TSC22D3: variants seen among roughly 807,000 people sequenced by gnomAD.
The protein encoded by TSC22D3 is TSC22 domain family member 3.
In TSC22D3, 4 loss-of-function variants were observed where a neutral mutation model predicts 11.1. The ratio of observed to expected loss-of-function variants is 0.36; its 90% CI spans 0.18 to 0.83. TSC22D3 has a LOEUF of 0.83. TSC22D3 is among the 40% of genes least tolerant of loss of function. The pLI is 0.48. For synonymous variants in TSC22D3, 77 were observed against 70.3 expected (o/e 1.10, Z -0.48); for missense variants, 118 against 159.4 (o/e 0.74, Z 1.40).
At chrX:107,727,840 TCTC>T (rs1294855341) in intron 1 of TSC22D3, among the ~76,000 whole-genome samples, 1 of 112,640 alleles carries the variant, frequency 8.9e-6, no homozygotes, top group Non-Finnish European at 1.9e-5. Context: ...TTTAAATTAT[TCTC>T]CTGAAGGTCC....
chrX:107,746,349 G>A (rs1928653122), intron 1 of TSC22D3, among the ~76,000 whole-genome samples: 2 of 111,530 alleles, frequency 1.8e-5, no homozygotes, highest in African/African-American at 6.5e-5. Context: ...TCCCAGGCAG[G>A]CCCAAGATTG....
rs745502009 is a variant in TSC22D3, at chrX:107,755,124, T to A, written c.320+19976A>T. On this transcript the variant is annotated intron_variant, in intron 1 of 2. Transcript: ENST00000372383. Reference sequence around the variant, plus strand: ...AAGATGGAGAAATGAAAGTTCAAACTTTTTTCTTTAAAAAAATGGATTTAG... The same window carrying A: ...AAGATGGAGAAATGAAAGTTCAAACATTTTTCTTTAAAAAAATGGATTTAG... Among the ~76,000 whole-genome samples, 97 of 112,224 alleles carry A rather than the reference T, an allele frequency of 8.6e-4. No individual in the cohort carries two copies. The South Asian group carries it at 0.028, about 33-fold the overall frequency.
At chrX:107,719,268 G>A in intron 1 of TSC22D3, among the ~76,000 whole-genome samples, 1 of 112,172 alleles carries the variant, frequency 8.9e-6, no homozygotes, top group Middle Eastern at 4.6e-3. Flanking sequence ...GGGAAGGGAA[G>A]GCAAAAGGGT....
intron 1 of TSC22D3, among the ~76,000 whole-genome samples, chrX:107,724,459 A>G (rs2147730650): frequency 8.8e-6 from 1 of 113,303 alleles, no homozygotes; most frequent in South Asian, 3.6e-4. Context: ...ATTTGTGCAA[A>G]CACCCTCTCC....
chrX:107,754,004 C>G (rs1237037994), intron 1 of TSC22D3, among the ~76,000 whole-genome samples: 1 of 109,911 alleles, frequency 9.1e-6, no homozygotes, highest in Non-Finnish European at 1.9e-5. Context: ...CAACCTCCGC[C>G]TCCCAGGTTC....
At chrX:107,716,551 C>T (rs1199622362) in intron 1 of TSC22D3, 4 of 767,406 alleles carry the variant, frequency 5.2e-6, no homozygotes, top group Non-Finnish European at 4.7e-6. Context: ...TGCGTCCCCT[C>T]CCCCCCGCCC....
At chrX:107,764,190 A>G (rs1485872460) in intron 1 of TSC22D3, among the ~76,000 whole-genome samples, 1 of 112,302 alleles carries the variant, frequency 8.9e-6, no homozygotes, top group African/African-American at 3.2e-5. Context: ...TAGCATGACT[A>G]TCTGGTTAAT....
At chrX:107,773,244 C>T (rs1239006287) in intron 1 of TSC22D3, among the ~76,000 whole-genome samples, 1 of 112,596 alleles carries the variant, frequency 8.9e-6, no homozygotes, top group African/African-American at 3.2e-5. Flanking sequence ...GAAGGAAACA[C>T]TTTGATCTCA....
chrX:107,714,559 G>T lies in TSC22D3; in HGVS notation c.563C>A (p.Ser188Tyr), dbSNP rs1270331051. 8.3e-7 allele frequency: 1 copy of T among 1,210,004 alleles called. No homozygotes were observed. Among genetic ancestry groups the T allele is most frequent in the Non-Finnish European group, 1.1e-6 (1 of 895,196 alleles). ...ACCAGGGGCCTCGGGCACTTGTGGGGATTCGGGAGCTGGCTCTTCAGGGCT... is the reference window on the plus strand; with the variant it reads ...ACCAGGGGCCTCGGGCACTTGTGGGTATTCGGGAGCTGGCTCTTCAGGGCT... The part of the protein sequence containing the change: ...CLSPEEPAPE[S>Y]PQVPEAPGGS... Residue 188 changes from serine (S) to tyrosine (Y), a missense_variant, in exon 3 of 3, where the codon TCC becomes TAC. Coordinates refer to ENST00000372383, the MANE Select transcript of TSC22D3 (RefSeq NM_198057.3).
chrX:107,728,902 G>A (rs1022954496), intron 1 of TSC22D3, among the ~76,000 whole-genome samples: 1 of 111,437 alleles, frequency 9.0e-6, no homozygotes, highest in African/African-American at 3.3e-5. Context: ...AGACTGGTGG[G>A]GTGCTGCCTA....
At chrX:107,747,677 C>T (rs1248464466) in intron 1 of TSC22D3, among the ~76,000 whole-genome samples, 1 of 113,177 alleles carries the variant, frequency 8.8e-6, no homozygotes, top group African/African-American at 3.2e-5. Flanking sequence ...CTGTCCCAGA[C>T]ACTCGGCTGT....
At chrX:107,720,495 C>T (rs1927270909) in intron 1 of TSC22D3, among the ~76,000 whole-genome samples, 1 of 111,720 alleles carries the variant, frequency 9.0e-6, no homozygotes, top group Non-Finnish European at 1.9e-5. Context: ...AGTTCGAGAC[C>T]AGCCTGGCCA....
At chrX:107,728,099 C>T (rs1029324773) in intron 1 of TSC22D3, among the ~76,000 whole-genome samples, 2 of 110,694 alleles carry the variant, frequency 1.8e-5, no homozygotes, top group South Asian at 3.9e-4. Context: ...TACTACTGTA[C>T]ACCTAAGGCT....
At chrX:107,719,704 G>A (rs1927231014) in intron 1 of TSC22D3, among the ~76,000 whole-genome samples, 1 of 111,763 alleles carries the variant, frequency 8.9e-6, no homozygotes, top group African/African-American at 3.3e-5. Flanking sequence ...AGTTGAGGAA[G>A]TTGGTAGGGG....
chrX:107,728,827 T>C (rs750330654), intron 1 of TSC22D3, among the ~76,000 whole-genome samples: 1 of 112,291 alleles, frequency 8.9e-6, no homozygotes, highest in South Asian at 3.7e-4. Context: ...TGTGATGACC[T>C]GCCTCAGCTT....
At chrX:107,754,642 CTGGA>C (rs1367688957) in intron 1 of TSC22D3, among the ~76,000 whole-genome samples, 1 of 112,045 alleles carries the variant, frequency 8.9e-6, no homozygotes, top group Non-Finnish European at 1.9e-5. Flanking sequence ...AAGCATGACC[CTGGA>C]TGCTCTAAAT....
intron 1 of TSC22D3, among the ~76,000 whole-genome samples, chrX:107,769,472 G>A (rs192849677): frequency 9.0e-6 from 1 of 111,201 alleles, no homozygotes. Flanking sequence ...GTTACCAGGG[G>A]GTAGTGGGAG....
chrX:107,752,361 T>G (rs947192668), intron 1 of TSC22D3, among the ~76,000 whole-genome samples: 1 of 112,106 alleles, frequency 8.9e-6, no homozygotes, highest in African/African-American at 3.2e-5. Flanking sequence ...ACAGGGACTT[T>G]GTGCTGGTGA....
intron 1 of TSC22D3, among the ~76,000 whole-genome samples, chrX:107,761,565 C>T (rs1368699099): frequency 1.8e-5 from 2 of 112,457 alleles, no homozygotes; most frequent in Non-Finnish European, 3.8e-5. Flanking sequence ...CCATCCTATA[C>T]ACCTGGCAAG....
Sources: gnomAD v4.1 joint callset for allele counts (sites outside exome capture counted in the v4.1 genomes callset) on GRCh38, gnomAD v4.1.1 for gene constraint, MANE v1.5 for transcripts, NCBI Gene and HGNC (gene_info 2026-07-23, HGNC 2026-07-21) for gene names.